Variants in TTC28 observed in about 807,000 individuals in gnomAD.
TTC28 encodes the protein tetratricopeptide repeat protein 28.
Under a neutral mutation model 198.0 loss-of-function variants are expected in TTC28, and 61 were observed. The observed-to-expected ratio is 0.31, with a 90% CI of 0.25 to 0.38. The LOEUF (loss-of-function observed/expected upper bound fraction) is 0.38. TTC28 is among the 10% of genes least tolerant of loss of function. The probability of loss-of-function intolerance (pLI) is 1.00; values close to 1 mark genes in which losing one functional copy is unlikely to be tolerated. For missense variants in TTC28, 2,678 were observed against 3,164.0 expected, an observed-to-expected ratio of 0.85 and a Z score of 3.69; for synonymous variants, 1,171 against 1,297.8, an observed-to-expected ratio of 0.90 and a Z score of 2.10.
intron 5 of TTC28, among the ~76,000 whole-genome samples, chr22:28,224,553 A>G (rs1178401941): frequency 6.6e-6 from 1 of 152,112 alleles, no homozygotes; most frequent in Non-Finnish European, 1.5e-5. Flanking sequence ...TCTGCTAAAA[A>G]CTAGGAGCTG....
chr22:28,663,394 T>C (rs2051784472), intron 1 of TTC28, among the ~76,000 whole-genome samples: 1 of 149,464 alleles, frequency 6.7e-6, no homozygotes, highest in Non-Finnish European at 1.5e-5. Flanking sequence ...ACCGGGTTCA[T>C]CTCACTAGGG....
chr22:28,038,328 C>T lies in TTC28; in HGVS notation c.3933-7962G>A, dbSNP rs551750635. Among the ~76,000 whole-genome samples the T allele has an allele frequency of 9.9e-5, 15 of 152,226 alleles. No homozygotes were observed. The South Asian group carries it at 2.5e-3, about 25-fold the overall frequency. On this transcript the variant is annotated intron_variant, in intron 12 of 22. Coordinates refer to ENST00000397906, the MANE Select transcript of TTC28 (RefSeq NM_001145418.2). ...ACTGGTACCAAAACAGAGATATAGA[C>T]CAATGGAACAGAACAGAGCCCTCAG...
In TTC28 at chr22:28,119,432, T is replaced by A. The variant is rs531550128; in HGVS notation, c.1442-11029A>T. 6.6e-5 allele frequency among the ~76,000 whole-genome samples: 10 copies of A among 152,332 alleles called. 1 individual carries two copies. The South Asian group carries it at 2.1e-3, about 32-fold the overall frequency. On this transcript the variant is annotated intron_variant, in intron 6 of 22. Coordinates refer to ENST00000397906, the MANE Select transcript of TTC28 (RefSeq NM_001145418.2). Reference sequence around the variant, plus strand: ...TTCCTAAGTAAGTATCAAAGGGAACTTGACACCAGATCATCTCACCTAAGG... The same window carrying A: ...TTCCTAAGTAAGTATCAAAGGGAACATGACACCAGATCATCTCACCTAAGG...
chr22:28,008,455 A>T (rs1054072483), intron 14 of TTC28: 1 of 152,258 alleles, frequency 6.6e-6, no homozygotes, highest in Admixed American at 6.5e-5. Flanking sequence ...ATGAATCACA[A>T]GCTGAGGTGA....
At chr22:28,492,122 G>C (rs1453758779) in intron 2 of TTC28, among the ~76,000 whole-genome samples, 3 of 150,082 alleles carry the variant, frequency 2.0e-5, no homozygotes, top group African/African-American at 7.3e-5. Context: ...GGGTGGGGGG[G>C]AGCGGGGAGG....
rs1342306128 is a variant in TTC28 at position 28,080,082 on chromosome 22, T to A, written c.3932+13998A>T. The stretch of plus-strand genomic sequence containing the variant: ...TATTCCATTGTATACACCACATTTT[T>A]AAAATCTGTTTATCCATAGATGGAC... On this transcript the variant is annotated intron_variant, in intron 12 of 22. Transcript: ENST00000397906. 2.0e-5 allele frequency among the ~76,000 whole-genome samples: 3 copies of A among 152,192 alleles called. No individual in the cohort carries two copies. The East Asian group carries it at 5.8e-4, about 29-fold the overall frequency.
intron 6 of TTC28, among the ~76,000 whole-genome samples, chr22:28,128,724 A>G (rs1942979224): frequency 6.6e-6 from 1 of 152,012 alleles, no homozygotes; most frequent in Non-Finnish European, 1.5e-5. Flanking sequence ...TTTTTTGGTA[A>G]ATATGGGGTT....
chr22:28,154,414 CG>C (rs1369497400), intron 6 of TTC28, among the ~76,000 whole-genome samples: 2 of 148,724 alleles, frequency 1.3e-5, no homozygotes, highest in East Asian at 4.0e-4. Flanking sequence ...TGCAGTGGCG[CG>C]ATCTCGGCAC....
chr22:28,183,300 C>T (rs1393095462), intron 5 of TTC28, among the ~76,000 whole-genome samples: 1 of 152,088 alleles, frequency 6.6e-6, no homozygotes, highest in Non-Finnish European at 1.5e-5. Flanking sequence ...TCAAGCAATC[C>T]TCTCACCTTA....
rs566122341 is a variant in TTC28 at position 28,377,974 on chromosome 22, G to T, written c.382-71331C>A. Reference sequence around the variant, plus strand: ...TTCAAGAAGCTAGAAAAAAACACGAGCATGCTAAGGAAAGATTGGAAGACA... The same window carrying T: ...TTCAAGAAGCTAGAAAAAAACACGATCATGCTAAGGAAAGATTGGAAGACA... On this transcript the variant is annotated intron_variant, in intron 2 of 22. Transcript: ENST00000397906. Among the ~76,000 whole-genome samples, 9 of 152,202 alleles carry T rather than the reference G, an allele frequency of 5.9e-5. No individual in the cohort carries two copies. In the South Asian group the frequency reaches 1.9e-3, roughly 32 times the overall value.
intron 5 of TTC28, among the ~76,000 whole-genome samples, chr22:28,240,510 T>C (rs1929586900): frequency 6.6e-6 from 1 of 152,212 alleles, no homozygotes; most frequent in Non-Finnish European, 1.5e-5. Flanking sequence ...TACATATGTA[T>C]ATATCTGTAT....
chr22:28,556,294 G>T (rs910790903), intron 2 of TTC28, among the ~76,000 whole-genome samples: 4 of 152,104 alleles, frequency 2.6e-5, no homozygotes, highest in Non-Finnish European at 5.9e-5. Flanking sequence ...GGGAGGCAGA[G>T]GTTGCAGTGA....
At chr22:28,675,956 A>G (rs181304601) in intron 1 of TTC28, among the ~76,000 whole-genome samples, 126 of 152,156 alleles carry the variant, frequency 8.3e-4, no homozygotes, top group African/African-American at 2.8e-3. Context: ...GTGTGGTGGC[A>G]CGTGCCTGTA....
chr22:28,550,690 T>C (rs2049651382), intron 2 of TTC28, among the ~76,000 whole-genome samples: 1 of 152,098 alleles, frequency 6.6e-6, no homozygotes, highest in Non-Finnish European at 1.5e-5. Flanking sequence ...ATGACATAAA[T>C]GCGAAGGTTT....
At chr22:28,288,940 T>A (rs2044737858) in intron 5 of TTC28, among the ~76,000 whole-genome samples, 1 of 152,140 alleles carries the variant, frequency 6.6e-6, no homozygotes, top group Non-Finnish European at 1.5e-5. Flanking sequence ...TGGAAAGAAA[T>A]TATCTACTCA....
At chr22:28,519,030 A>C (rs2048846737) in intron 2 of TTC28, among the ~76,000 whole-genome samples, 1 of 152,168 alleles carries the variant, frequency 6.6e-6, no homozygotes. Flanking sequence ...CAGTATTCTT[A>C]TTTTTTAAGA....
At chr22:28,614,461 A>T (rs1455536011) in intron 2 of TTC28, among the ~76,000 whole-genome samples, 2 of 152,220 alleles carry the variant, frequency 1.3e-5, no homozygotes, top group Admixed American at 6.5e-5. Flanking sequence ...TTTCATATGG[A>T]ACCAAAAAGA....
intron 2 of TTC28, among the ~76,000 whole-genome samples, chr22:28,310,141 C>CACAA (rs895876447): frequency 5.0e-5 from 6 of 120,948 alleles, no homozygotes; most frequent in African/African-American, 2.1e-4. Context: ...ACATAACACA[C>CACAA]ACACACACAC....
intron 12 of TTC28, among the ~76,000 whole-genome samples, chr22:28,089,669 A>T (rs2146842642): frequency 6.7e-6 from 1 of 149,380 alleles, no homozygotes; most frequent in South Asian, 2.1e-4. Context: ...TATAATAATA[A>T]TAAAATAAAA....
Sources: allele counts gnomAD v4.1 joint callset (sites outside exome capture counted in the v4.1 genomes callset), GRCh38; gene constraint gnomAD v4.1.1; transcripts MANE v1.5; gene names NCBI Gene and HGNC (gene_info 2026-07-23, HGNC 2026-07-21).